Variants in DPP10 observed in about 807,000 individuals in gnomAD.
DPP10 encodes the protein inactive dipeptidyl peptidase 10.
In DPP10, 33 loss-of-function variants were observed where a neutral mutation model predicts 120.9. The ratio of observed to expected loss-of-function variants is 0.27; its 90% confidence interval spans 0.21 to 0.37. The LOEUF is 0.37. Ranked by LOEUF, DPP10 falls within the 10% of genes least tolerant of loss-of-function variation. The pLI is 1.00. For missense variants in DPP10, 816 were observed against 942.8 expected (o/e 0.87, Z 1.76); for synonymous variants, 337 against 326.1 (o/e 1.03, Z -0.36).
intron 1 of DPP10, among the ~76,000 whole-genome samples, chr2:114,542,230 T>A (rs1442244208): frequency 6.6e-6 from 1 of 151,832 alleles, no homozygotes; most frequent in East Asian, 1.9e-4. Flanking sequence ...GTATTTACAG[T>A]AGAGATGGGG....
chr2:115,685,500 A>G (rs1271033203), intron 5 of DPP10, among the ~76,000 whole-genome samples: 1 of 151,984 alleles, frequency 6.6e-6, no homozygotes, highest in African/African-American at 2.4e-5. Context: ...GACAGAGATT[A>G]CATTTATTTT....
At chr2:115,543,194 A>T (rs1363504728) in intron 5 of DPP10, among the ~76,000 whole-genome samples, 5 of 152,066 alleles carry the variant, frequency 3.3e-5, no homozygotes, top group African/African-American at 9.7e-5. Context: ...CCCAGCAGAG[A>T]ATATCACAGC....
intron 5 of DPP10, among the ~76,000 whole-genome samples, chr2:115,587,302 G>A (rs1031689634): frequency 4.6e-5 from 7 of 151,726 alleles, no homozygotes; most frequent in South Asian, 2.1e-4. Context: ...GTTTCACCAC[G>A]TTAGCCAGGG....
intron 21 of DPP10, among the ~76,000 whole-genome samples, chr2:115,824,324 G>A (rs998176699): frequency 2.0e-5 from 3 of 151,924 alleles, no homozygotes; most frequent in African/African-American, 2.4e-5. Flanking sequence ...AAAATTTTAC[G>A]TTAAGTACCA....
intron 1 of DPP10, among the ~76,000 whole-genome samples, chr2:115,146,887 A>G (rs2051253688): frequency 6.6e-6 from 1 of 152,152 alleles, no homozygotes; most frequent in Non-Finnish European, 1.5e-5. Flanking sequence ...CCAGACTCCA[A>G]ATGTGCCAGA....
rs866682006 is a variant in DPP10, at chr2:115,814,906, G to C, written c.1814G>C (p.Gly605Ala). The change falls in exon 20 of 26, where the codon GGA (glycine) becomes GCA (alanine). Residue 605 changes from glycine to alanine, a missense_variant. Coordinates refer to ENST00000410059, the MANE Select transcript of DPP10 (RefSeq NM_020868.6). The stretch of plus-strand genomic sequence containing the variant: ...GCAAGATTTGATGGCAGAGGAAGTG[G>C]ATTCCAGGGTCTGAAAATTTTGCAG... ...IVARFDGRGS[G>A]FQGLKILQEI... The C allele has an allele frequency of 1.2e-6, 2 of 1,612,936 alleles. No individual in the cohort carries two copies. The highest frequency in any genetic ancestry group is 1.7e-6 in the Non-Finnish European group (2 of 1,179,268).
At chr2:115,525,666 A>G (rs926862947) in intron 4 of DPP10, among the ~76,000 whole-genome samples, 1 of 152,240 alleles carries the variant, frequency 6.6e-6, no homozygotes, top group African/African-American at 2.4e-5. Context: ...GATAACATAT[A>G]GAAAGATATA....
At chr2:115,155,307 CGATGGGAAG>C (rs2051837222) in intron 1 of DPP10, among the ~76,000 whole-genome samples, 1 of 152,052 alleles carries the variant, frequency 6.6e-6, no homozygotes, top group Non-Finnish European at 1.5e-5. Flanking sequence ...TGTGAACTTG[CGATGGGAAG>C]GTTGTGAAAG....
chr2:114,661,657 A>G (rs1263064744), intron 1 of DPP10, among the ~76,000 whole-genome samples: 1 of 152,086 alleles, frequency 6.6e-6, no homozygotes, highest in Non-Finnish European at 1.5e-5. Flanking sequence ...TGCTGTTTGT[A>G]TGTTCTATTC....
intron 1 of DPP10, among the ~76,000 whole-genome samples, chr2:114,980,491 T>C (rs1028879532): frequency 6.6e-6 from 1 of 152,028 alleles, no homozygotes; most frequent in Non-Finnish European, 1.5e-5. Context: ...ATTTCTCTAC[T>C]GAGTTACAAA....
chr2:115,350,926 A>T (rs1260662014), intron 3 of DPP10, among the ~76,000 whole-genome samples: 1 of 152,120 alleles, frequency 6.6e-6, no homozygotes, highest in East Asian at 1.9e-4. Context: ...TGTTGCTGGA[A>T]ATGTAAATTA....
chr2:114,834,883 ACTATGTATATATAAGCCATATCTACACAC>A lies in DPP10; in HGVS notation c.60+392115_60+392143del, dbSNP rs1558791790. On this transcript the variant is annotated intron_variant, in intron 1 of 25. Coordinates refer to ENST00000410059, the MANE Select transcript of DPP10 (RefSeq NM_020868.6). ...TGTATATAAAAGACATATCTACACAACTATGTATATATAAGCCATATCTACACACCTATGTATATATAAGCCATATCTAC... is the reference window on the plus strand; with the variant it reads ...TGTATATAAAAGACATATCTACACAACTATGTATATATAAGCCATATCTAC... Among the ~76,000 whole-genome samples the A allele has an allele frequency of 4.1e-4, 43 of 103,920 alleles. No homozygotes were observed. The South Asian group carries it at 5.9e-3, about 14-fold the overall frequency. 68.2% of individuals were successfully genotyped at this position (103,920 alleles called of 152,430 possible).
rs1157496314 is a variant in DPP10, at chr2:114,532,276, TATATATATATATATATATATACACAC to T, written c.60+89440_60+89465del. Among the ~76,000 whole-genome samples, 42 of 52,262 alleles carry T rather than the reference TATATATATATATATATATATACACAC, an allele frequency of 8.0e-4. 1 individual carries two copies. Among genetic ancestry groups the T allele is most frequent in the African/African-American group, 2.5e-3 (39 of 15,694 alleles). 34.3% of individuals were successfully genotyped at this position (52,262 alleles called of 152,430 possible). A position where few individuals can be genotyped will look rare whatever the true frequency, so the allele number is the denominator to read the frequency against. On this transcript the variant is annotated intron_variant, in intron 1 of 25. Coordinates refer to ENST00000410059, the MANE Select transcript of DPP10 (RefSeq NM_020868.6). Reference sequence around the variant, plus strand: ...ATCTCCATATATATATATATATATATATATATATATATATATATATACACACACACACACACACACAGATACACACC... The same window carrying T: ...ATCTCCATATATATATATATATATATACACACACACACACAGATACACACC...
At chr2:114,525,274 T>C (rs1374597564) in intron 1 of DPP10, among the ~76,000 whole-genome samples, 2 of 152,186 alleles carry the variant, frequency 1.3e-5, no homozygotes, top group East Asian at 3.9e-4. Flanking sequence ...CAAAGAAATA[T>C]CCTTTAGGGA....
rs56314226 is a variant in DPP10, at chr2:115,130,501, TATCCATCC to T, written c.61-178703_61-178696del. 7.1e-4 allele frequency among the ~76,000 whole-genome samples: 103 copies of T among 144,970 alleles called. No homozygotes were observed. The East Asian group carries it at 8.0e-3, about 11-fold the overall frequency. On this transcript the variant is annotated intron_variant, in intron 1 of 25. Coordinates refer to ENST00000410059, the MANE Select transcript of DPP10 (RefSeq NM_020868.6). ...CCATCCATGCATCCATCCATCCATC[TATCCATCC>T]ATCCATCCATCCATCCATCCATCCA...
At chr2:115,442,011 A>G (rs1197376409) in intron 3 of DPP10, among the ~76,000 whole-genome samples, 1 of 151,320 alleles carries the variant, frequency 6.6e-6, no homozygotes, top group Non-Finnish European at 1.5e-5. Flanking sequence ...ACGGGATTTC[A>G]CCATGTTAAC....
At chr2:115,474,060 A>G (rs557060633) in intron 3 of DPP10, among the ~76,000 whole-genome samples, 1 of 152,294 alleles carries the variant, frequency 6.6e-6, no homozygotes, top group Non-Finnish European at 1.5e-5. Context: ...TAACTCAGGA[A>G]TGACTCAATC....
At chr2:114,588,364 T>A (rs1387476741) in intron 1 of DPP10, among the ~76,000 whole-genome samples, 1 of 152,234 alleles carries the variant, frequency 6.6e-6, no homozygotes, top group South Asian at 2.1e-4. Context: ...CATTTACGAA[T>A]GTTCATGAAG....
At position 114,528,949 on chromosome 2, in the gene DPP10, C is replaced by A. The variant is rs549425787; in HGVS notation, c.60+86111C>A. 1.7e-4 allele frequency among the ~76,000 whole-genome samples: 26 copies of A among 152,192 alleles called. No individual in the cohort carries two copies. In the Middle Eastern group the frequency reaches 0.01, roughly 60 times the overall value. The stretch of plus-strand genomic sequence containing the variant: ...GCTTGTCATTCTGTTTGACCCCTTT[C>A]CCCAGATGTATTCTTTGTCCTCTGC... On this transcript the variant is annotated intron_variant, in intron 1 of 25. Coordinates refer to ENST00000410059, the MANE Select transcript of DPP10 (RefSeq NM_020868.6).
Sources: gnomAD v4.1 joint callset for allele counts (sites outside exome capture counted in the v4.1 genomes callset) on GRCh38, gnomAD v4.1.1 for gene constraint, MANE v1.5 for transcripts, NCBI Gene and HGNC (gene_info 2026-07-23, HGNC 2026-07-21) for gene names.